RAD17: variants seen among roughly 807,000 people sequenced by gnomAD.
RAD17 encodes the protein RAD17 checkpoint clamp loader component, also known as cell cycle checkpoint protein RAD17.
RAD17 carries 31 observed loss-of-function variants against 81.5 expected under a neutral mutation model. The ratio of observed to expected loss-of-function variants is 0.38; its 90% CI spans 0.29 to 0.51. The LOEUF (loss-of-function observed/expected upper bound fraction) is 0.51. Ranked by LOEUF, RAD17 falls within the 20% of genes least tolerant of loss-of-function variation. RAD17 has a pLI of 0.88. For missense variants in RAD17, 681 were observed against 781.2 expected (o/e 0.87, Z 1.53); for synonymous variants, 261 against 266.2 (o/e 0.98, Z 0.19).
chr5:69,377,703 A>G (rs370682348), intron 6 of RAD17, among the ~76,000 whole-genome samples: 19 of 89,430 alleles, frequency 2.1e-4, no homozygotes, highest in Non-Finnish European at 2.5e-4. Context: ...ATACATATAT[A>G]TATGTATTGG....
Position 69,370,855 on chromosome 5 carries a change from G to C in RAD17, c.-416-180G>C, listed in dbSNP as rs117534700. 1.3e-3 allele frequency: 304 copies of C among 232,390 alleles called. 4 individuals carry two copies. In the East Asian group the frequency reaches 0.021, roughly 16 times the overall value. The allele number at this position is 232,390 out of a possible 1,614,324, so 14.4% of individuals were successfully genotyped here. On this transcript the variant is annotated intron_variant, in intron 1 of 18. Transcript: ENST00000354868. ...GTCCAGTATACTTTCCAATGTATAA[G>C]TTTGTAGACCTTAAACTTTTCTTCT...
rs1272471074 is a variant in RAD17 at position 69,391,847 on chromosome 5, G to A, written c.1023G>A (p.Arg341=). The part of the protein sequence containing the change: ...FSSSKGENNL[R]PRKKGMSLKS... ...ATTATTCAGGAGAAAACAACTTACG[G>A]CCAAGGAAAAAAGGAATGTCTTTAA... Residue 341 remains arginine, a synonymous_variant, in exon 13 of 19, where the codon CGG becomes CGA. Transcript: ENST00000354868. The A allele has an allele frequency of 1.3e-6, 2 of 1,548,932 alleles. No homozygotes were observed. The highest frequency in any genetic ancestry group is 1.7e-6 in the Non-Finnish European group (2 of 1,155,428).
intron 12 of RAD17, among the ~76,000 whole-genome samples, chr5:69,389,858 G>T (rs299084): frequency 0.48 from 72,843 of 151,948 alleles, 17,600 homozygotes; most frequent in South Asian, 0.54. Context: ...GGATGGTTGC[G>T]ATCTCCTGAC....
At chr5:69,386,926 CT>C (rs377383013) in intron 11 of RAD17, among the ~76,000 whole-genome samples, 133 of 138,508 alleles carry the variant, frequency 9.6e-4, no homozygotes, top group Middle Eastern at 3.8e-3. Context: ...GCTGTTGTCA[CT>C]TTTTTTTTTT....
chr5:69,414,299 G>C lies in RAD17; in HGVS notation c.*7G>C, dbSNP rs1262751914. The C allele has an allele frequency of 3.1e-6, 5 of 1,612,908 alleles. No homozygotes were observed. Among genetic ancestry groups the C allele is most frequent in the Non-Finnish European group, 4.2e-6 (5 of 1,179,032 alleles). ...CGAGAGTGATGGGACATAGAAGCCA[G>C]CCTGCTAATCAGATTGCTACTTCAC... On this transcript the variant is annotated 3_prime_UTR_variant, in exon 19 of 19. Transcript: ENST00000354868.
intron 6 of RAD17, among the ~76,000 whole-genome samples, chr5:69,375,175 A>G (rs1037334415): frequency 1.3e-5 from 2 of 152,208 alleles, no homozygotes; most frequent in Non-Finnish European, 2.9e-5. Context: ...ACTACTTCCA[A>G]CTTGACTAAA....
In RAD17 at chr5:69,413,910, G is replaced by A. The variant is rs1766200769; in HGVS notation, c.1752-121G>A. On this transcript the variant is annotated intron_variant, in intron 18 of 18. Coordinates refer to ENST00000354868, the MANE Select transcript of RAD17 (RefSeq NM_133338.3). ...GTAGTTTTGTTTTTATAGTTAAAGG[G>A]ACTAGCTAAACAGCACAATGTAGGT... 5.0e-6 allele frequency: 6 copies of A among 1,204,430 alleles called. No individual in the cohort carries two copies. The South Asian group carries it at 8.9e-5, about 18-fold the overall frequency. 74.6% of individuals were successfully genotyped at this position (1,204,430 alleles called of 1,614,324 possible).
chr5:69,398,115 TAA>T (rs879802497), intron 16 of RAD17, among the ~76,000 whole-genome samples: 12 of 140,106 alleles, frequency 8.6e-5, no homozygotes, highest in Admixed American at 1.4e-4. Context: ...AGACTCCATC[TAA>T]AAAAAAAAAA....
chr5:69,405,701 A>G (rs1225913733), intron 17 of RAD17, among the ~76,000 whole-genome samples: 1 of 151,762 alleles, frequency 6.6e-6, no homozygotes, highest in Non-Finnish European at 1.5e-5. Flanking sequence ...TAAAAATAGA[A>G]CTACCATATG....
At position 69,385,240 on chromosome 5, in the gene RAD17, G is replaced by A. The variant is rs552948407; in HGVS notation, c.645+307G>A. Among the ~76,000 whole-genome samples, 10 of 149,328 alleles carry A rather than the reference G, an allele frequency of 6.7e-5. No individual in the cohort carries two copies. The East Asian group carries it at 1.4e-3, about 21-fold the overall frequency. ...CTCCCAAAGTGCTGGGATTACAGGCGTGAGCCACCATGCCTGGCCTAAAAT... is the reference window on the plus strand; with the variant it reads ...CTCCCAAAGTGCTGGGATTACAGGCATGAGCCACCATGCCTGGCCTAAAAT... On this transcript the variant is annotated intron_variant, in intron 8 of 18. Transcript: ENST00000354868.
At chr5:69,392,444 T>C (rs1384444931) in intron 13 of RAD17, among the ~76,000 whole-genome samples, 3 of 152,196 alleles carry the variant, frequency 2.0e-5, no homozygotes, top group Non-Finnish European at 4.4e-5. Flanking sequence ...CAACCAGAGA[T>C]GTTTATCGCC....
intron 11 of RAD17, 53 bp from the exon 12 acceptor site, chr5:69,388,981 T>A: frequency 1.1e-6 from 1 of 940,242 alleles, no homozygotes; most frequent in Non-Finnish European, 1.5e-6. Flanking sequence ...GGTTTTTTGT[T>A]GTTGTTATTT....
chr5:69,377,411 T>A (rs1763405651), intron 6 of RAD17, among the ~76,000 whole-genome samples: 1 of 133,334 alleles, frequency 7.5e-6, no homozygotes, highest in African/African-American at 2.9e-5. Context: ...TTGGATAAAC[T>A]TAGGTATATG....
At chr5:69,410,980 TATATATATATATATATAC>T (rs1170658708) in intron 18 of RAD17, among the ~76,000 whole-genome samples, 2 of 143,650 alleles carry the variant, frequency 1.4e-5, no homozygotes, top group South Asian at 2.2e-4. Flanking sequence ...TATATATATA[TATATATATATATATATAC>T]TGTTCATTTT....
intron 8 of RAD17, 145 bp downstream of exon 8, chr5:69,385,078 G>A: frequency 1.5e-6 from 1 of 686,312 alleles, no homozygotes. Flanking sequence ...TCCTGCCTCA[G>A]CCTCCGGAGT....
intron 11 of RAD17, 107 bp downstream of exon 11, chr5:69,386,572 A>G: frequency 8.1e-7 from 1 of 1,237,692 alleles, no homozygotes; most frequent in Non-Finnish European, 1.0e-6. Flanking sequence ...GAATTAAAAC[A>G]TTTTATTATA....
rs1765988863 is a variant in RAD17 at position 69,411,382 on chromosome 5, G to A, written c.1751+832G>A. 2.0e-5 allele frequency among the ~76,000 whole-genome samples: 3 copies of A among 152,028 alleles called. No homozygotes were observed. In the South Asian group the frequency reaches 6.2e-4, roughly 32 times the overall value. Reference sequence around the variant, plus strand: ...GCCAAGATCACACCATTGCACCCCAGCCTGGGCAACAAAAGCAAAACTCCA... The same window carrying A: ...GCCAAGATCACACCATTGCACCCCAACCTGGGCAACAAAAGCAAAACTCCA... On this transcript the variant is annotated intron_variant, in intron 18 of 18. Coordinates refer to ENST00000354868, the MANE Select transcript of RAD17 (RefSeq NM_133338.3).
intron 16 of RAD17, 25 bp downstream of exon 16, chr5:69,396,571 T>A (rs1394999621): frequency 1.5e-6 from 2 of 1,361,502 alleles, no homozygotes; most frequent in Middle Eastern, 1.9e-4. Flanking sequence ...AAAAATTCTG[T>A]ACTTTCAATA....
intron 11 of RAD17, among the ~76,000 whole-genome samples, chr5:69,387,418 A>T (rs1208066293): frequency 6.6e-6 from 1 of 152,136 alleles, no homozygotes; most frequent in Admixed American, 6.6e-5. Flanking sequence ...TCCAAGGGAG[A>T]GGTTGTTTTG....
Sources: gnomAD v4.1 joint callset for allele counts (sites outside exome capture counted in the v4.1 genomes callset) on GRCh38, gnomAD v4.1.1 for gene constraint, MANE v1.5 for transcripts, NCBI Gene and HGNC (gene_info 2026-07-23, HGNC 2026-07-21) for gene names.